FILIP1: variants seen among roughly 807,000 people sequenced by gnomAD.
FILIP1 encodes filamin-A-interacting protein 1.
FILIP1 carries 61 observed loss-of-function variants against 102.1 expected under a neutral mutation model. The observed-to-expected ratio is 0.60, with a 90% CI of 0.49 to 0.74. The LOEUF (loss-of-function observed/expected upper bound fraction) is 0.74. Ranked by LOEUF, FILIP1 falls within the 30% of genes least tolerant of loss-of-function variation. FILIP1 has a pLI of 0.00. For missense variants in FILIP1, 1,314 were observed against 1,441.2 expected (o/e 0.91, Z 1.43); for synonymous variants, 491 against 526.9 (o/e 0.93, Z 0.93).
At chr6:75,391,405 A>G (rs1214887777) in intron 2 of FILIP1, among the ~76,000 whole-genome samples, 2 of 151,852 alleles carry the variant, frequency 1.3e-5, no homozygotes, top group African/African-American at 4.8e-5. Flanking sequence ...CCTTCGGTCC[A>G]CTCTCATATA....
At chr6:75,322,095 G>T (rs1773685134) in intron 4 of FILIP1, among the ~76,000 whole-genome samples, 1 of 152,082 alleles carries the variant, frequency 6.6e-6, no homozygotes, top group African/African-American at 2.4e-5. Context: ...ACTTGCAGAT[G>T]TTTTTTTCTC....
At chr6:75,464,698 T>C (rs1456210273) in intron 1 of FILIP1, among the ~76,000 whole-genome samples, 2 of 152,200 alleles carry the variant, frequency 1.3e-5, no homozygotes, top group African/African-American at 2.4e-5. Flanking sequence ...TGCACCTGTA[T>C]ATCCAGCAAC....
intron 1 of FILIP1, among the ~76,000 whole-genome samples, chr6:75,466,603 T>C (rs890163993): frequency 3.9e-5 from 6 of 152,154 alleles, no homozygotes; most frequent in African/African-American, 1.4e-4. Flanking sequence ...CCTTGGCAAT[T>C]AAAATCTGGG....
At chr6:75,406,501 T>C (rs1440368098) in intron 2 of FILIP1, among the ~76,000 whole-genome samples, 1 of 152,140 alleles carries the variant, frequency 6.6e-6, no homozygotes, top group African/African-American at 2.4e-5. Context: ...TCCTGTATAT[T>C]CTCATCTATT....
chr6:75,372,992 T>G (rs962851142), intron 2 of FILIP1, among the ~76,000 whole-genome samples: 1 of 152,198 alleles, frequency 6.6e-6, no homozygotes, highest in Non-Finnish European at 1.5e-5. Context: ...CTCATGTTCA[T>G]AGTAATATTA....
At chr6:75,334,587 G>A (rs1008240153) in intron 4 of FILIP1, 1 of 152,154 alleles carries the variant, frequency 6.6e-6, no homozygotes, top group Non-Finnish European at 1.5e-5. Flanking sequence ...AATGAAATGC[G>A]CATGGACAAG....
chr6:75,319,391 G>A (rs769740319), intron 4 of FILIP1: 3 of 627,224 alleles, frequency 4.8e-6, no homozygotes, highest in Non-Finnish European at 9.2e-6. Context: ...GTGCCCTGGA[G>A]TCCTTGAACT....
chr6:75,326,126 TACACAC>T (rs766233320), intron 4 of FILIP1, among the ~76,000 whole-genome samples: 1 of 149,542 alleles, frequency 6.7e-6, no homozygotes, highest in Non-Finnish European at 1.5e-5. Flanking sequence ...TAGATAGATA[TACACAC>T]ACACACACAC....
At chr6:75,442,035 G>T (rs2149722610) in intron 1 of FILIP1, among the ~76,000 whole-genome samples, 1 of 151,672 alleles carries the variant, frequency 6.6e-6, no homozygotes, top group African/African-American at 2.4e-5. Context: ...TCACTTCTGG[G>T]ACGGGGCGGC....
intron 1 of FILIP1, among the ~76,000 whole-genome samples, chr6:75,475,851 A>G (rs1779459619): frequency 6.6e-6 from 1 of 152,230 alleles, no homozygotes; most frequent in South Asian, 2.1e-4. Flanking sequence ...AGCATTTAGC[A>G]CAGTTCCTAA....
intron 4 of FILIP1, among the ~76,000 whole-genome samples, chr6:75,324,395 T>C (rs1464912441): frequency 2.9e-5 from 4 of 135,904 alleles, no homozygotes; most frequent in African/African-American, 1.1e-4. Context: ...AGATAAAAGA[T>C]CTCTACAAGG....
intron 1 of FILIP1, among the ~76,000 whole-genome samples, chr6:75,448,344 C>T (rs1778509158): frequency 6.6e-6 from 1 of 152,146 alleles, no homozygotes. Flanking sequence ...TTTAGCATTT[C>T]TGATCTCAAT....
chr6:75,366,477 T>C (rs1775340690), intron 2 of FILIP1, among the ~76,000 whole-genome samples: 1 of 152,220 alleles, frequency 6.6e-6, no homozygotes, highest in Admixed American at 6.5e-5. Context: ...GACTCAGAAA[T>C]AGTTTCCAAT....
rs1157657019 is a variant in FILIP1, at chr6:75,312,713, G to T, written c.3119C>A (p.Thr1040Asn). The T allele has an allele frequency of 1.2e-6, 2 of 1,614,180 alleles. No homozygotes were observed. Among genetic ancestry groups the T allele is most frequent in the Non-Finnish European group, 1.7e-6 (2 of 1,180,040 alleles). ...MPMGRTILKV[T>N]PEKQTVPTPV... ...AGTTGGAACAGTCTGTTTTTCTGGG[G>T]TGACTTTGAGGATTGTCCGTCCCAT... The change falls in exon 5 of 6, where the codon ACC (threonine) becomes AAC (asparagine). Residue 1040 changes from threonine to asparagine, a missense_variant. Thr to Asn is a moderately conservative substitution (Grantham distance 65, BLOSUM62 0). This residue lies in a region of FILIP1 where 816 missense variants were observed against 913.1 expected (regional missense o/e 0.89). Transcript: ENST00000237172.
chr6:75,456,509 T>A (rs909997191), intron 1 of FILIP1, among the ~76,000 whole-genome samples: 6 of 152,166 alleles, frequency 3.9e-5, no homozygotes, highest in African/African-American at 1.4e-4. Flanking sequence ...TGTGTTTCAT[T>A]TAATATTTTT....
chr6:75,466,764 G>T (rs1779181279), intron 1 of FILIP1, among the ~76,000 whole-genome samples: 1 of 152,212 alleles, frequency 6.6e-6, no homozygotes, highest in Non-Finnish European at 1.5e-5. Context: ...GTAGCCCCTA[G>T]TCACATGGAA....
At chr6:75,323,106 T>C (rs1773718509) in intron 4 of FILIP1, among the ~76,000 whole-genome samples, 1 of 152,218 alleles carries the variant, frequency 6.6e-6, no homozygotes, top group Non-Finnish European at 1.5e-5. Flanking sequence ...TCCTTTTTTA[T>C]TTTTATTTTT....
chr6:75,311,333 C>T lies in FILIP1; in HGVS notation c.3435+1064G>A, dbSNP rs147281465. Among the ~76,000 whole-genome samples, 677 of 146,716 alleles carry T rather than the reference C, an allele frequency of 4.6e-3. 4 individuals carry two copies. Among genetic ancestry groups the T allele is most frequent in the African/African-American group, 0.016 (631 of 39,774 alleles). On this transcript the variant is annotated intron_variant, in intron 5 of 5. Transcript: ENST00000237172. ...GAGTAGCTGAGATTACAGGTGTGCACCACTACACCCAGCTACTTTTTTTTT... is the reference window on the plus strand; with the variant it reads ...GAGTAGCTGAGATTACAGGTGTGCATCACTACACCCAGCTACTTTTTTTTT...
chr6:75,353,335 A>G (rs903369906), intron 4 of FILIP1, among the ~76,000 whole-genome samples: 1 of 152,200 alleles, frequency 6.6e-6, no homozygotes, highest in East Asian at 1.9e-4. Flanking sequence ...CCCTACCTAT[A>G]TGCAACCCCC....
Sources: gnomAD v4.1 joint callset for allele counts (sites outside exome capture counted in the v4.1 genomes callset) on GRCh38, gnomAD v4.1.1 for gene constraint, gnomAD v4.1.1 regional missense constraint, MANE v1.5 for transcripts, NCBI Gene and HGNC (gene_info 2026-07-23, HGNC 2026-07-21) for gene names.